Variants in UTRN observed in about 807,000 individuals in gnomAD.
UTRN encodes utrophin.
In UTRN, 283 loss-of-function variants were observed where a neutral mutation model predicts 463.9. The ratio of observed to expected loss-of-function variants is 0.61; its 90% CI spans 0.55 to 0.67. The LOEUF (loss-of-function observed/expected upper bound fraction) is 0.67, where lower values mean the gene tolerates loss of function less well. Among genes scored for constraint, UTRN ranks in the 30% least tolerant of loss-of-function variants. The pLI is 0.00. For missense variants in UTRN, 3,922 were observed against 4,084.3 expected (o/e 0.96, Z 1.08); for synonymous variants, 1,442 against 1,431.5 (o/e 1.01, Z -0.17).
chr6:144,474,968 C>CA (rs1272779576), intron 25 of UTRN, among the ~76,000 whole-genome samples: 1 of 152,176 alleles, frequency 6.6e-6, no homozygotes, highest in Non-Finnish European at 1.5e-5. Context: ...CAGGGCTTAT[C>CA]CATTCTTGTC....
chr6:144,658,939 C>T (rs1043519476), intron 51 of UTRN, among the ~76,000 whole-genome samples: 1 of 152,150 alleles, frequency 6.6e-6, no homozygotes, highest in Non-Finnish European at 1.5e-5. Flanking sequence ...ATTTTGAGTA[C>T]AGTAGTTTCT....
At chr6:144,289,059 C>A (rs2502638) in intron 1 of UTRN, among the ~76,000 whole-genome samples, 1 of 152,168 alleles carries the variant, frequency 6.6e-6, no homozygotes, top group African/African-American at 2.4e-5. Context: ...CTCAGCCTCC[C>A]AAAGAGCTGG....
At chr6:144,653,159 C>A (rs979139002) in intron 51 of UTRN, among the ~76,000 whole-genome samples, 11 of 152,162 alleles carry the variant, frequency 7.2e-5, no homozygotes, top group Non-Finnish European at 1.2e-4. Flanking sequence ...TATTATAGAT[C>A]TTTACAGAAA....
At chr6:144,388,325 T>C (rs1781588412) in intron 2 of UTRN, among the ~76,000 whole-genome samples, 1 of 151,988 alleles carries the variant, frequency 6.6e-6, no homozygotes, top group African/African-American at 2.4e-5. Context: ...TTTTGTGTTT[T>C]TTTTTAGAGA....
In UTRN at chr6:144,550,975, C is replaced by G. The variant is rs559933718; in HGVS notation, c.6821C>G (p.Ala2274Gly). 1.9e-6 allele frequency: 3 copies of G among 1,596,966 alleles called. No individual in the cohort carries two copies. The highest frequency in any genetic ancestry group is 2.3e-5 in the South Asian group (2 of 87,314). The change falls in exon 48 of 75, where the codon GCT (alanine) becomes GGT (glycine). Residue 2274 changes from alanine to glycine, a missense_variant. By Grantham distance (60) the Ala-to-Gly change is moderately conservative. Coordinates refer to ENST00000367545, the MANE Select transcript of UTRN (RefSeq NM_007124.3). ...KTVSRMKITKADLEQRHPQLD... is the reference protein window; with the variant it reads ...KTVSRMKITKGDLEQRHPQLD... ...ATTTCTACTTAACAGATTACAAAGGCTGACTTAGAACAGCGCCATCCTCAG... is the reference window on the plus strand; with the variant it reads ...ATTTCTACTTAACAGATTACAAAGGGTGACTTAGAACAGCGCCATCCTCAG...
At chr6:144,585,153 A>G (rs1266119827) in intron 51 of UTRN, among the ~76,000 whole-genome samples, 1 of 152,128 alleles carries the variant, frequency 6.6e-6, no homozygotes, top group Non-Finnish European at 1.5e-5. Context: ...TTCTACCGCA[A>G]ATAGGCACAA....
chr6:144,575,585 A>G (rs1801359622), intron 50 of UTRN, among the ~76,000 whole-genome samples: 1 of 152,188 alleles, frequency 6.6e-6, no homozygotes, highest in African/African-American at 2.4e-5. Flanking sequence ...ACATTGACGG[A>G]AGTTTTACAC....
At chr6:144,294,590 C>CT (rs569174783) in intron 2 of UTRN, among the ~76,000 whole-genome samples, 11 of 150,742 alleles carry the variant, frequency 7.3e-5, no homozygotes, top group Middle Eastern at 6.9e-3. Context: ...TTCCAGGTTT[C>CT]TTTTTTGGGG....
At chr6:144,312,595 A>C (rs1245793016) in intron 2 of UTRN, among the ~76,000 whole-genome samples, 1 of 152,176 alleles carries the variant, frequency 6.6e-6, no homozygotes, top group Non-Finnish European at 1.5e-5. Flanking sequence ...TTGTTTCTTA[A>C]ATATATACAG....
chr6:144,498,606 A>T (rs1427844035), intron 33 of UTRN, among the ~76,000 whole-genome samples: 1 of 152,024 alleles, frequency 6.6e-6, no homozygotes, highest in Admixed American at 6.6e-5. Context: ...GTGATTTTTC[A>T]ACTTTATTTC....
chr6:144,650,619 A>G (rs1472103499), intron 51 of UTRN, among the ~76,000 whole-genome samples: 8 of 152,190 alleles, frequency 5.3e-5, no homozygotes. Context: ...TTTAATAATT[A>G]CTGGTCATAG....
At chr6:144,679,515 G>A (rs1246351057) in intron 52 of UTRN, among the ~76,000 whole-genome samples, 2 of 152,108 alleles carry the variant, frequency 1.3e-5, no homozygotes, top group African/African-American at 4.8e-5. Context: ...TTTACTCTCT[G>A]ATCTTGAACA....
At chr6:144,841,111 G>T (rs1781540217) in intron 73 of UTRN, among the ~76,000 whole-genome samples, 1 of 152,122 alleles carries the variant, frequency 6.6e-6, no homozygotes, top group African/African-American at 2.4e-5. Context: ...AATAAGTCTG[G>T]TTTTAAGAAG....
At chr6:144,470,887 G>C (rs934925586) in intron 23 of UTRN, among the ~76,000 whole-genome samples, 5 of 151,742 alleles carry the variant, frequency 3.3e-5, no homozygotes. Flanking sequence ...CCAGTCAGGC[G>C]TGGCGGCGCG....
intron 54 of UTRN, 32 bp from the exon 55 acceptor site, chr6:144,748,214 C>A: frequency 6.4e-7 from 1 of 1,574,282 alleles, no homozygotes; most frequent in South Asian, 1.2e-5. Flanking sequence ...ATCAGACATC[C>A]AAATTATTCT....
chr6:144,419,132 G>A (rs1387754953), intron 3 of UTRN, among the ~76,000 whole-genome samples: 1 of 152,186 alleles, frequency 6.6e-6, no homozygotes, highest in Non-Finnish European at 1.5e-5. Flanking sequence ...GGCAGGTGAC[G>A]AAGGCCACTT....
At chr6:144,545,736 C>G (rs1798338804) in intron 46 of UTRN, among the ~76,000 whole-genome samples, 1 of 152,192 alleles carries the variant, frequency 6.6e-6, no homozygotes. Flanking sequence ...AATGCAAGCT[C>G]TGGCAGGGCA....
intron 50 of UTRN, among the ~76,000 whole-genome samples, chr6:144,576,605 C>T (rs1185044240): frequency 6.6e-6 from 1 of 152,106 alleles, no homozygotes; most frequent in Non-Finnish European, 1.5e-5. Flanking sequence ...CATTTAGCCA[C>T]TGACTGTAGG....
At chr6:144,642,528 G>C (rs886558875) in intron 51 of UTRN, among the ~76,000 whole-genome samples, 1 of 152,096 alleles carries the variant, frequency 6.6e-6, no homozygotes, top group Admixed American at 6.6e-5. Flanking sequence ...CATTCCTCCT[G>C]TTTTGTACTA....
Sources: gnomAD v4.1 joint callset for allele counts (sites outside exome capture counted in the v4.1 genomes callset) on GRCh38, gnomAD v4.1.1 for gene constraint, MANE v1.5 for transcripts, NCBI Gene and HGNC (gene_info 2026-07-23, HGNC 2026-07-21) for gene names.